LPIN1: variants seen among roughly 807,000 people sequenced by gnomAD.
The protein encoded by LPIN1 is phosphatidate phosphatase LPIN1.
Under a neutral mutation model 107.5 loss-of-function variants are expected in LPIN1, and 71 were observed. That is an observed-to-expected ratio of 0.66 (90% CI 0.55 to 0.80). The LOEUF (loss-of-function observed/expected upper bound fraction) is 0.80. LPIN1 is among the 30% of genes least tolerant of loss of function. The pLI is 0.00. For missense variants in LPIN1, 1,043 were observed against 1,160.6 expected, an observed-to-expected ratio of 0.90 and a Z score of 1.47; for synonymous variants, 445 against 452.6, an observed-to-expected ratio of 0.98 and a Z score of 0.21.
At chr2:11,795,667 G>T (rs1676581031) in intron 14 of LPIN1, among the ~76,000 whole-genome samples, 180 bp downstream of exon 14, 1 of 152,208 alleles carries the variant, frequency 6.6e-6, no homozygotes, top group Non-Finnish European at 1.5e-5. Flanking sequence ...GCATGCAGTT[G>T]CTCCCTTAGA....
chr2:11,718,266 C>A (rs913505170), intron 2 of LPIN1, among the ~76,000 whole-genome samples: 1 of 152,094 alleles, frequency 6.6e-6, no homozygotes, highest in Non-Finnish European at 1.5e-5. Flanking sequence ...CTTGCTCTGT[C>A]GCCCAGGCTG....
At position 11,802,990 on chromosome 2, in the gene LPIN1, A is replaced by G. The variant is rs528101763; in HGVS notation, c.1970A>G (p.Asn657Ser). The G allele has an allele frequency of 8.7e-6, 14 of 1,613,126 alleles. No homozygotes were observed. In the South Asian group the frequency reaches 1.4e-4, roughly 16 times the overall value. Residue 657 changes from asparagine to serine, a missense_variant, in exon 15 of 21, where the codon AAT becomes AGT. By Grantham distance (46) the Asn-to-Ser change is conservative. Coordinates refer to ENST00000674199, the MANE Select transcript of LPIN1 (RefSeq NM_001349206.2). ...SNAGHLPLLPNVSYKKTLRLT... is the reference protein window; with the variant it reads ...SNAGHLPLLPSVSYKKTLRLT... ...GCAGGCCACCTCCCTCTTCTGCCTA[A>G]TGTCAGCTACAAGAAGACTCTCCGG... is the stretch of plus-strand genomic sequence containing the variant.
At chr2:11,795,647 T>C (rs1003002479) in intron 14 of LPIN1, among the ~76,000 whole-genome samples, 160 bp downstream of exon 14, 4 of 152,238 alleles carry the variant, frequency 2.6e-5, no homozygotes, top group African/African-American at 9.6e-5. Flanking sequence ...GGTTCTCCCA[T>C]GAGCAAAATG....
At chr2:11,761,701 G>A (rs903325194) in intron 1 of LPIN1, among the ~76,000 whole-genome samples, 2 of 152,108 alleles carry the variant, frequency 1.3e-5, no homozygotes, top group African/African-American at 4.8e-5. Context: ...GCAAATGGGT[G>A]TGCTGATCTC....
chr2:11,813,265 A>T (rs1014736189), intron 17 of LPIN1, among the ~76,000 whole-genome samples: 5 of 152,218 alleles, frequency 3.3e-5, no homozygotes, highest in African/African-American at 1.2e-4. Flanking sequence ...GTGTATAGAT[A>T]GTGTTTAAAA....
At chr2:11,741,278 TG>T in intron 1 of LPIN1, 1 of 1,082,422 alleles carries the variant, frequency 9.2e-7, no homozygotes, top group Non-Finnish European at 1.3e-6. Context: ...GAGGATGGCC[TG>T]GTCATTTTCA....
At chr2:11,816,462 C>T (rs1680591656) in intron 18 of LPIN1, 1 of 152,254 alleles carries the variant, frequency 6.6e-6, no homozygotes, top group Non-Finnish European at 1.5e-5. Context: ...ACTCCGACAT[C>T]CTAACACTAA....
chr2:11,693,816 ATATATATTTTTTTTTTTTTT>A (rs1411492317), intron 1 of LPIN1, among the ~76,000 whole-genome samples: 1 of 29,508 alleles, frequency 3.4e-5, no homozygotes, highest in East Asian at 1.2e-3. Flanking sequence ...ATATATATAT[ATATATATTTTTTTTTTTTTT>A]TTTTTTTTTT....
intron 17 of LPIN1, chr2:11,805,439 G>A (rs1298648715): frequency 1.8e-6 from 1 of 540,656 alleles, no homozygotes; most frequent in South Asian, 2.1e-5. Flanking sequence ...TGAGACTGAG[G>A]TTTAGTTCAT....
chr2:11,759,101 C>A (rs1243463227), intron 1 of LPIN1, among the ~76,000 whole-genome samples: 18 of 152,164 alleles, frequency 1.2e-4, no homozygotes, highest in Admixed American at 1.2e-3. Context: ...GTAATGCTAT[C>A]CAGTTATGAG....
At chr2:11,693,601 C>T (rs1662378737) in intron 1 of LPIN1, among the ~76,000 whole-genome samples, 1 of 151,668 alleles carries the variant, frequency 6.6e-6, no homozygotes, top group African/African-American at 2.4e-5. Context: ...CATGGGCACT[C>T]CCTGAGACAG....
intron 1 of LPIN1, among the ~76,000 whole-genome samples, chr2:11,681,246 C>G (rs1424463607): frequency 6.6e-6 from 1 of 152,176 alleles, no homozygotes; most frequent in African/African-American, 2.4e-5. Context: ...GCTGGCCCCA[C>G]CTCTCCGCCT....
At position 11,677,742 on chromosome 2, in the gene LPIN1, A is replaced by C. The variant is rs745446612; in HGVS notation, c.81+14A>C. 5.2e-6 allele frequency: 8 copies of C among 1,533,968 alleles called. No homozygotes were observed. In the Middle Eastern group the frequency reaches 1.2e-3, roughly 224 times the overall value. On this transcript the variant is annotated intron_variant, in intron 1 of 21. Transcript: ENST00000449576. ...GCTTGGTCATGGGTAAGGGCCGGCC[A>C]TGTGGCCATCTGCAAACACAGCCCC... is the stretch of plus-strand genomic sequence containing the variant.
chr2:11,767,740 T>C (rs757094338), intron 2 of LPIN1, 23 bp from the exon 3 acceptor site: 7 of 1,514,148 alleles, frequency 4.6e-6, no homozygotes, highest in African/African-American at 2.7e-5. Context: ...TTCATTCTTT[T>C]CTTAACCATG....
At chr2:11,694,960 A>G (rs1662497188) in intron 1 of LPIN1, among the ~76,000 whole-genome samples, 1 of 152,166 alleles carries the variant, frequency 6.6e-6, no homozygotes, top group Non-Finnish European at 1.5e-5. Context: ...ATGATCATCC[A>G]TCATCTGGGC....
chr2:11,821,599 G>A (rs1288135846), intron 20 of LPIN1, among the ~76,000 whole-genome samples: 1 of 152,238 alleles, frequency 6.6e-6, no homozygotes, highest in Non-Finnish European at 1.5e-5. Flanking sequence ...GACTGGGGGA[G>A]TTTGGTTCTA....
At chr2:11,742,774 G>A (rs535916758), upstream of LPIN1, among the ~76,000 whole-genome samples, 9 of 152,346 alleles carry the variant, frequency 5.9e-5, no homozygotes, top group East Asian at 1.9e-4. Context: ...GAGAAAGGGC[G>A]TTCCAGACCC....
chr2:11,803,093 TAA>T lies in LPIN1; in HGVS notation c.2013+61_2013+62del. The T allele has an allele frequency of 6.2e-7, 1 of 1,607,052 alleles. No homozygotes were observed. Among genetic ancestry groups the T allele is most frequent in the Non-Finnish European group, 8.5e-7 (1 of 1,178,056 alleles). Reference sequence around the variant, plus strand: ...AGCACATGAGGTTTCTGCAGACTCCTAAGGCTGTGTGATGGTTGGGATGTGCC... The same window carrying T: ...AGCACATGAGGTTTCTGCAGACTCCTGGCTGTGTGATGGTTGGGATGTGCC... On this transcript the variant is annotated intron_variant, in intron 15 of 20. Coordinates refer to ENST00000674199, the MANE Select transcript of LPIN1 (RefSeq NM_001349206.2). The surrounding 1 kb of genome is among the most constrained non-coding windows in gnomAD (Gnocchi z 4.2).
At chr2:11,736,043 C>T (rs1270119433) in intron 1 of LPIN1, among the ~76,000 whole-genome samples, 2 of 152,186 alleles carry the variant, frequency 1.3e-5, no homozygotes, top group Non-Finnish European at 2.9e-5. Context: ...AAACTGATCA[C>T]TCAGCTGACT....
Sources: allele counts gnomAD v4.1 joint callset (sites outside exome capture counted in the v4.1 genomes callset), GRCh38; gene constraint gnomAD v4.1.1; non-coding constraint Gnocchi (gnomAD v3.1); transcripts MANE v1.5; gene names NCBI Gene and HGNC (gene_info 2026-07-23, HGNC 2026-07-21).